The following CTTNBP2 variants were observed in gnomAD, a reference collection of about 807,000 sequenced individuals.
CTTNBP2 encodes the protein cortactin binding protein 2, also known as cortactin-binding protein 2.
In CTTNBP2, 108 loss-of-function variants were observed where a neutral mutation model predicts 156.9. That is an observed-to-expected ratio of 0.69 (90% CI 0.59 to 0.81). The LOEUF is 0.81. CTTNBP2 is among the 30% of genes least tolerant of loss of function. The probability of loss-of-function intolerance (pLI) is 0.00; values close to 1 mark genes in which losing one functional copy is unlikely to be tolerated. For missense variants in CTTNBP2, 1,924 were observed against 2,035.4 expected (o/e 0.95, Z 1.05); for synonymous variants, 767 against 751.8 (o/e 1.02, Z -0.33).
chr7:117,807,128 C>T (rs1040421289), intron 3 of CTTNBP2, among the ~76,000 whole-genome samples: 10 of 152,150 alleles, frequency 6.6e-5, no homozygotes, highest in African/African-American at 2.2e-4. Flanking sequence ...CCACAGATCT[C>T]AATCTCCAAC....
chr7:117,724,988 C>G lies in CTTNBP2; in HGVS notation c.4261+64G>C, dbSNP rs1795010880. On this transcript the variant is annotated intron_variant, in intron 18 of 22. Transcript: ENST00000160373. Reference sequence around the variant, plus strand: ...ACAAAGAAAGAAAGCTCTCTAAAAACAGCTTTTAAAAGGTATTTCACAAGG... The same window carrying G: ...ACAAAGAAAGAAAGCTCTCTAAAAAGAGCTTTTAAAAGGTATTTCACAAGG... The G allele has an allele frequency of 4.1e-6, 6 of 1,452,440 alleles. No individual in the cohort carries two copies. The East Asian group carries it at 1.4e-4, about 33-fold the overall frequency. 90.0% of individuals were successfully genotyped at this position (1,452,440 alleles called of 1,614,324 possible). A position where few individuals can be genotyped will look rare whatever the true frequency, so the allele number is the denominator to read the frequency against.
At position 117,711,714 on chromosome 7, in the gene CTTNBP2, A is replaced by C; in HGVS notation, c.4815T>G (p.Gly1605=). 6.2e-7 allele frequency: 1 copy of C among 1,613,958 alleles called. No individual in the cohort carries two copies. Among genetic ancestry groups the C allele is most frequent in the Non-Finnish European group, 8.5e-7 (1 of 1,179,930 alleles). The part of the protein sequence containing the change: ...CSNSKSKTEL[G]VSRVKSFLPV... ...GAAGAAAAGATTTAACTCTTGAAAC[A>C]CCCAACTCAGTCTTTGATTTACTGT... The change falls in exon 23 of 23, where the codon GGT becomes GGG. Residue 1605 remains glycine, a synonymous_variant. Transcript: ENST00000160373.
At chr7:117,752,463 G>T (rs191285763) in intron 12 of CTTNBP2, among the ~76,000 whole-genome samples, 2 of 152,174 alleles carry the variant, frequency 1.3e-5, no homozygotes, top group Non-Finnish European at 2.9e-5. Context: ...AAACTCAATT[G>T]GGTTGAATAT....
intron 3 of CTTNBP2, among the ~76,000 whole-genome samples, chr7:117,807,426 A>G (rs1198688944): frequency 1.3e-5 from 2 of 152,258 alleles, no homozygotes; most frequent in African/African-American, 4.8e-5. Context: ...AATTGTAAGA[A>G]GAAATGGGCA....
At chr7:117,864,828 TCA>T in intron 1 of CTTNBP2, among the ~76,000 whole-genome samples, 1 of 141,710 alleles carries the variant, frequency 7.1e-6, no homozygotes, top group Non-Finnish European at 1.5e-5. Flanking sequence ...CAATATATAT[TCA>T]TATATATTCA....
intron 2 of CTTNBP2, among the ~76,000 whole-genome samples, chr7:117,852,679 A>G (rs1803005701): frequency 6.6e-6 from 1 of 152,224 alleles, no homozygotes; most frequent in South Asian, 2.1e-4. Context: ...GTTTATAATT[A>G]CCTGCGCTCA....
chr7:117,795,162 C>G (rs1585018538), intron 3 of CTTNBP2, among the ~76,000 whole-genome samples: 1 of 33,884 alleles, frequency 3.0e-5, no homozygotes, highest in Non-Finnish European at 5.3e-5. Context: ...TCCCAAAGTG[C>G]TGGGATTACA....
Position 117,861,328 on chromosome 7 carries a change from A to T in CTTNBP2, c.82-12T>A. 1.3e-6 allele frequency: 2 copies of T among 1,572,452 alleles called. No individual in the cohort carries two copies. The highest frequency in any genetic ancestry group is 1.7e-6 in the Non-Finnish European group (2 of 1,146,740). On this transcript the variant is annotated splice_polypyrimidine_tract_variant and intron_variant, in intron 1 of 22. Coordinates refer to ENST00000160373, the MANE Select transcript of CTTNBP2 (RefSeq NM_033427.3). ...TCAAACTCTTTTTTCTGTAACACATAAAAAAATAAGGCCATGAAAAATCTT... is the reference window on the plus strand; with the variant it reads ...TCAAACTCTTTTTTCTGTAACACATTAAAAAATAAGGCCATGAAAAATCTT...
At chr7:117,809,457 T>C (rs1800137716) in intron 3 of CTTNBP2, among the ~76,000 whole-genome samples, 9 of 151,884 alleles carry the variant, frequency 5.9e-5, no homozygotes, top group Admixed American at 5.9e-4. Flanking sequence ...TACAAATGAG[T>C]TTCAGTGACA....
chr7:117,720,960 T>G (rs1794756409), intron 20 of CTTNBP2, 107 bp downstream of exon 20: 1 of 790,882 alleles, frequency 1.3e-6, no homozygotes, highest in East Asian at 2.5e-5. Context: ...TAAAACCATA[T>G]TAACATAATA....
chr7:117,736,842 G>A (rs1003832531), intron 14 of CTTNBP2, among the ~76,000 whole-genome samples: 3 of 152,150 alleles, frequency 2.0e-5, no homozygotes, highest in Non-Finnish European at 4.4e-5. Flanking sequence ...AGATGCCACA[G>A]TTTTAGTCAA....
intron 1 of CTTNBP2, among the ~76,000 whole-genome samples, chr7:117,868,112 T>A (rs1804334847): frequency 6.6e-6 from 1 of 152,138 alleles, no homozygotes; most frequent in Non-Finnish European, 1.5e-5. Flanking sequence ...AAACATCTAT[T>A]TTCACCCTAA....
chr7:117,789,551 G>C (rs955291892), intron 4 of CTTNBP2, among the ~76,000 whole-genome samples: 7 of 152,132 alleles, frequency 4.6e-5, no homozygotes, highest in Non-Finnish European at 1.0e-4. Context: ...TTTAGGCCAC[G>C]AGAAAAGCTG....
chr7:117,792,614 G>A lies in CTTNBP2; in HGVS notation c.582C>T (p.Asp194=), dbSNP rs950685927. 1.3e-5 allele frequency: 21 copies of A among 1,613,790 alleles called. No homozygotes were observed. In the Admixed American group the frequency reaches 1.5e-4, roughly 12 times the overall value. Reference sequence around the variant, plus strand: ...TTTCCTCTTCCAGTTTGGCCATTACGTCTTCGAGCTTCTGGGCCTCCTCTA... The same window carrying A: ...TTTCCTCTTCCAGTTTGGCCATTACATCTTCGAGCTTCTGGGCCTCCTCTA... The part of the protein sequence containing the change: ...KVIEEAQKLE[D]VMAKLEEEKK... Residue 194 remains aspartate, a synonymous_variant, in exon 4 of 23, where the codon GAC becomes GAT. Transcript: ENST00000160373. The surrounding 1 kb of genome is among the most constrained non-coding windows in gnomAD (Gnocchi z 4.2).
At chr7:117,730,818 G>A (rs954020759) in intron 16 of CTTNBP2, among the ~76,000 whole-genome samples, 5 of 151,842 alleles carry the variant, frequency 3.3e-5, no homozygotes, top group African/African-American at 4.8e-5. Context: ...GAAAAAATTC[G>A]GGGGGATGGG....
chr7:117,767,190 A>G lies in CTTNBP2; in HGVS notation c.2779-14T>C. 7.2e-7 allele frequency: 1 copy of G among 1,391,844 alleles called. No individual in the cohort carries two copies. The highest frequency in any genetic ancestry group is 1.0e-6 in the Non-Finnish European group (1 of 976,918). 86.2% of individuals were successfully genotyped at this position (1,391,844 alleles called of 1,614,324 possible). A position where few individuals can be genotyped will look rare whatever the true frequency, so the allele number is the denominator to read the frequency against. ...TTCTAGGCAGTTCTATAAAGACAAG[A>G]GCTCTATTACCTCCAAGTCCAAATG... On this transcript the variant is annotated splice_polypyrimidine_tract_variant and intron_variant, in intron 8 of 22. Transcript: ENST00000160373.
intron 8 of CTTNBP2, among the ~76,000 whole-genome samples, chr7:117,772,469 G>A (rs968115303): frequency 6.6e-6 from 1 of 152,242 alleles, no homozygotes; most frequent in Non-Finnish European, 1.5e-5. Context: ...AAACATTAGG[G>A]GCCAAGAATG....
At chr7:117,775,321 G>A (rs1290800752) in intron 8 of CTTNBP2, among the ~76,000 whole-genome samples, 1 of 152,118 alleles carries the variant, frequency 6.6e-6, no homozygotes, top group African/African-American at 2.4e-5. Context: ...TAGTCTATGG[G>A]AGAAAGAGGT....
intron 3 of CTTNBP2, among the ~76,000 whole-genome samples, chr7:117,794,453 C>A (rs1469964054): frequency 6.6e-6 from 1 of 152,174 alleles, no homozygotes; most frequent in Non-Finnish European, 1.5e-5. Context: ...ATGTTAAACA[C>A]AAATATCCTC....
Sources: gnomAD v4.1 joint callset for allele counts (sites outside exome capture counted in the v4.1 genomes callset) on GRCh38, gnomAD v4.1.1 for gene constraint, Gnocchi (gnomAD v3.1) non-coding constraint, MANE v1.5 for transcripts, NCBI Gene and HGNC (gene_info 2026-07-23, HGNC 2026-07-21) for gene names.